Variants in MYO5A observed in about 807,000 individuals in gnomAD.
The protein encoded by MYO5A is unconventional myosin-Va.
In MYO5A, 98 loss-of-function variants were observed where a neutral mutation model predicts 249.7. That is an observed-to-expected ratio of 0.39 (90% CI 0.33 to 0.46). The LOEUF (loss-of-function observed/expected upper bound fraction) is 0.46, where lower values mean the gene tolerates loss of function less well. Ranked by LOEUF, MYO5A falls within the 20% of genes least tolerant of loss-of-function variation. MYO5A has a pLI of 0.98. For synonymous variants in MYO5A, 778 were observed against 810.6 expected (o/e 0.96, Z 0.68); for missense variants, 1,696 against 2,308.8 (o/e 0.73, Z 5.44).
At chr15:52,438,428 CAATA>C (rs2075713325) in intron 1 of MYO5A, among the ~76,000 whole-genome samples, 1 of 152,166 alleles carries the variant, frequency 6.6e-6, no homozygotes, top group African/African-American at 2.4e-5. Context: ...AGTTAGAAAA[CAATA>C]ACCCTGGCCA....
chr15:52,380,069 G>A (rs1017464892), intron 16 of MYO5A, among the ~76,000 whole-genome samples, 161 bp from the exon 17 acceptor site: 1 of 152,214 alleles, frequency 6.6e-6, no homozygotes, highest in Non-Finnish European at 1.5e-5. Context: ...GGAAAACTAT[G>A]AGAGAATGGG....
At chr15:52,410,306 G>A (rs1441761970) in intron 6 of MYO5A, 27 bp downstream of exon 6, 1 of 1,602,510 alleles carries the variant, frequency 6.2e-7, no homozygotes, top group African/African-American at 1.3e-5. Flanking sequence ...TCTAACACAA[G>A]TGCATATGTG....
chr15:52,443,911 A>AG (rs1465900946), intron 1 of MYO5A, among the ~76,000 whole-genome samples: 1 of 151,982 alleles, frequency 6.6e-6, no homozygotes, highest in Non-Finnish European at 1.5e-5. Context: ...TGAACCTGAG[A>AG]GGCGGAGGTT....
chr15:52,492,186 C>A (rs982347090), intron 1 of MYO5A, among the ~76,000 whole-genome samples: 2 of 152,160 alleles, frequency 1.3e-5, no homozygotes, highest in Non-Finnish European at 2.9e-5. Context: ...GATCCCCAGA[C>A]CACACCCAGG....
intron 29 of MYO5A, chr15:52,346,734 C>A (rs1314752793): frequency 1.0e-5 from 5 of 497,130 alleles, no homozygotes; most frequent in Non-Finnish European, 1.9e-5. Flanking sequence ...TAAATAAAAT[C>A]ACTGATGGGC....
intron 1 of MYO5A, among the ~76,000 whole-genome samples, chr15:52,512,249 C>A (rs1292604246): frequency 6.6e-6 from 1 of 151,372 alleles, no homozygotes; most frequent in Non-Finnish European, 1.5e-5. Context: ...TTTGCAATTA[C>A]AGTTAAATTA....
intron 4 of MYO5A, among the ~76,000 whole-genome samples, chr15:52,420,806 G>A (rs975638637): frequency 1.1e-4 from 16 of 152,160 alleles, no homozygotes; most frequent in Non-Finnish European, 2.1e-4. Flanking sequence ...CCATCTTAAC[G>A]TGAGGGAATA....
At chr15:52,527,262 G>C (rs1006900354) in intron 1 of MYO5A, among the ~76,000 whole-genome samples, 1 of 152,188 alleles carries the variant, frequency 6.6e-6, no homozygotes, top group African/African-American at 2.4e-5. Flanking sequence ...AGTTCCTTAT[G>C]AGGATTATGA....
chr15:52,351,690 T>C (rs546989670), intron 27 of MYO5A, among the ~76,000 whole-genome samples: 18 of 152,318 alleles, frequency 1.2e-4, no homozygotes, highest in Admixed American at 3.9e-4. Context: ...CAATGGAAGT[T>C]TGCTTCATCA....
At chr15:52,422,956 A>G (rs1263509343) in intron 4 of MYO5A, among the ~76,000 whole-genome samples, 1 of 152,118 alleles carries the variant, frequency 6.6e-6, no homozygotes, top group Non-Finnish European at 1.5e-5. Flanking sequence ...ACAATCGTAG[A>G]TCACTGTAAT....
chr15:52,370,193 A>G lies in MYO5A; in HGVS notation c.3042T>C (p.Asp1014=). Residue 1014 remains aspartate, a synonymous_variant, in exon 22 of 42, where the codon GAT becomes GAC. Coordinates refer to ENST00000399233, the MANE Select transcript of MYO5A (RefSeq NM_001382347.1). Reference sequence around the variant, plus strand: ...CCTGCTCTGTTTCTTGTTTGTATCGATCTGCATGTTCCTCAATGCATTTTT... The same window carrying G: ...CCTGCTCTGTTTCTTGTTTGTATCGGTCTGCATGTTCCTCAATGCATTTTT... ...SEKKCIEEHA[D]RYKQETEQLV... The G allele has an allele frequency of 6.2e-7, 1 of 1,614,068 alleles. No homozygotes were observed.
chr15:52,329,739 A>C (rs2038782202), intron 35 of MYO5A, among the ~76,000 whole-genome samples: 2 of 151,978 alleles, frequency 1.3e-5, no homozygotes, highest in Admixed American at 6.6e-5. Context: ...ATCCCTTAAG[A>C]AGCTTTTTAT....
At chr15:52,503,787 A>T (rs982769532) in intron 1 of MYO5A, among the ~76,000 whole-genome samples, 3 of 152,174 alleles carry the variant, frequency 2.0e-5, no homozygotes, top group Non-Finnish European at 4.4e-5. Flanking sequence ...TTTTTTCCAC[A>T]AGGGTCCTAT....
intron 1 of MYO5A, among the ~76,000 whole-genome samples, chr15:52,494,943 CATA>C (rs1342694020): frequency 6.6e-6 from 1 of 152,184 alleles, no homozygotes; most frequent in Non-Finnish European, 1.5e-5. Context: ...TTGGCAATAA[CATA>C]ATTCTCAACA....
At chr15:52,382,693 A>G (rs1268791832) in intron 16 of MYO5A, among the ~76,000 whole-genome samples, 1 of 152,228 alleles carries the variant, frequency 6.6e-6, no homozygotes, top group Non-Finnish European at 1.5e-5. Context: ...TGGTGAAAAC[A>G]GACACCCTCT....
intron 1 of MYO5A, among the ~76,000 whole-genome samples, chr15:52,502,615 T>C (rs1007295842): frequency 3.3e-5 from 5 of 152,142 alleles, no homozygotes; most frequent in Non-Finnish European, 7.4e-5. Context: ...CCAAAACTTT[T>C]AGTAAGAGAA....
chr15:52,415,826 A>G lies in MYO5A; in HGVS notation c.612+319T>C, dbSNP rs974468816. Among the ~76,000 whole-genome samples the G allele has an allele frequency of 3.3e-5, 5 of 152,226 alleles. 1 individual carries two copies. The highest frequency in any genetic ancestry group is 1.2e-4 in the African/African-American group (5 of 41,450). ...TTGTACTTCTGGTACAAGGAAAGGAACAATAGACATGAGTCAGTTAATGAG... is the reference window on the plus strand; with the variant it reads ...TTGTACTTCTGGTACAAGGAAAGGAGCAATAGACATGAGTCAGTTAATGAG... On this transcript the variant is annotated intron_variant, in intron 5 of 41. Transcript: ENST00000399233.
At chr15:52,417,513 T>C (rs188536931) in intron 4 of MYO5A, among the ~76,000 whole-genome samples, 59 of 152,326 alleles carry the variant, frequency 3.9e-4, no homozygotes, top group African/African-American at 1.4e-3. Flanking sequence ...AAATAAGTCA[T>C]GATCTGTATC....
At chr15:52,457,519 C>G (rs531446243) in intron 1 of MYO5A, among the ~76,000 whole-genome samples, 96 of 151,776 alleles carry the variant, frequency 6.3e-4, no homozygotes, top group African/African-American at 2.2e-3. Context: ...ATGCTCAACA[C>G]CACTAATCAT....
Sources: allele counts gnomAD v4.1 joint callset (sites outside exome capture counted in the v4.1 genomes callset), GRCh38; gene constraint gnomAD v4.1.1; transcripts MANE v1.5; gene names NCBI Gene and HGNC (gene_info 2026-07-23, HGNC 2026-07-21).